The following GRIN2B variants were observed in gnomAD, a reference collection of about 807,000 sequenced individuals.
GRIN2B encodes the protein glutamate receptor ionotropic, NMDA 2B.
In GRIN2B, 5 loss-of-function variants were observed where a neutral mutation model predicts 114.5. The ratio of observed to expected loss-of-function variants is 0.04; its 90% CI spans 0.02 to 0.09. The LOEUF (loss-of-function observed/expected upper bound fraction) is 0.09, where lower values mean the gene tolerates loss of function less well. Ranked by LOEUF, GRIN2B falls within the 10% of genes least tolerant of loss-of-function variation. The pLI is 1.00. For synonymous variants in GRIN2B, 787 were observed against 745.1 expected (o/e 1.06, Z -0.92); for missense variants, 1,108 against 1,943.5 (o/e 0.57, Z 8.08).
At chr12:13,583,160 A>T (rs986424093) in intron 10 of GRIN2B, among the ~76,000 whole-genome samples, 72 of 152,322 alleles carry the variant, frequency 4.7e-4, no homozygotes, top group African/African-American at 1.7e-3. Flanking sequence ...AAAGGGCATA[A>T]ACCACATATA....
chr12:13,574,933 A>G (rs1269756954), intron 10 of GRIN2B, among the ~76,000 whole-genome samples: 2 of 152,234 alleles, frequency 1.3e-5, no homozygotes, highest in African/African-American at 4.8e-5. Flanking sequence ...CCCCACATAT[A>G]TGGTGCAAGG....
chr12:13,972,582 G>A (rs969291323), intron 2 of GRIN2B, among the ~76,000 whole-genome samples: 3 of 152,144 alleles, frequency 2.0e-5, no homozygotes, highest in Admixed American at 6.5e-5. Flanking sequence ...GCTGATTTAG[G>A]GCCATGCATT....
chr12:13,637,509 C>G (rs892459158), intron 5 of GRIN2B, among the ~76,000 whole-genome samples: 3 of 152,082 alleles, frequency 2.0e-5, no homozygotes, highest in African/African-American at 7.2e-5. Flanking sequence ...TATTCCATCA[C>G]CAGTAAAGGT....
At chr12:13,816,156 T>C (rs1591748222) in intron 3 of GRIN2B, among the ~76,000 whole-genome samples, 1 of 152,294 alleles carries the variant, frequency 6.6e-6, no homozygotes, top group East Asian at 1.9e-4. Context: ...GAGACCACCC[T>C]ACGTGGCTAG....
intron 4 of GRIN2B, among the ~76,000 whole-genome samples, chr12:13,737,123 G>A (rs769290606): frequency 3.8e-4 from 57 of 151,812 alleles, no homozygotes; most frequent in Non-Finnish European, 6.2e-4. Flanking sequence ...GCATTATGTG[G>A]CAATTAATAA....
intron 3 of GRIN2B, among the ~76,000 whole-genome samples, chr12:13,795,464 G>A (rs1039931272): frequency 3.9e-5 from 6 of 152,006 alleles, no homozygotes; most frequent in Admixed American, 3.3e-4. Context: ...CTGAACTTCC[G>A]TTTTCTCACC....
intron 4 of GRIN2B, among the ~76,000 whole-genome samples, chr12:13,742,762 T>C (rs1299723156): frequency 6.6e-6 from 1 of 152,232 alleles, no homozygotes; most frequent in Non-Finnish European, 1.5e-5. Context: ...GGCACATTAC[T>C]GCCCAGGTTA....
At chr12:13,709,814 A>G (rs1950397453) in intron 4 of GRIN2B, among the ~76,000 whole-genome samples, 1 of 152,030 alleles carries the variant, frequency 6.6e-6, no homozygotes, top group Non-Finnish European at 1.5e-5. Context: ...AAACATTCAT[A>G]TATTTCTGGT....
chr12:13,738,468 C>G (rs1863222575), intron 4 of GRIN2B, among the ~76,000 whole-genome samples: 1 of 152,154 alleles, frequency 6.6e-6, no homozygotes, highest in Non-Finnish European at 1.5e-5. Context: ...GAAAACTCAT[C>G]CCTCTGCATA....
At chr12:13,911,722 A>T (rs1429876969) in intron 2 of GRIN2B, among the ~76,000 whole-genome samples, 1 of 152,154 alleles carries the variant, frequency 6.6e-6, no homozygotes, top group African/African-American at 2.4e-5. Flanking sequence ...GAAAGATTCC[A>T]CAGGGGTGCT....
At chr12:13,801,028 T>C (rs1367914324) in intron 3 of GRIN2B, among the ~76,000 whole-genome samples, 2 of 152,192 alleles carry the variant, frequency 1.3e-5, no homozygotes, top group Non-Finnish European at 2.9e-5. Flanking sequence ...TTCTTTTGTT[T>C]CTGGTTGAAT....
At chr12:13,773,170 C>T (rs1460177527) in intron 3 of GRIN2B, among the ~76,000 whole-genome samples, 1 of 152,146 alleles carries the variant, frequency 6.6e-6, no homozygotes, top group Non-Finnish European at 1.5e-5. Context: ...CCTACCCATC[C>T]AGCAATAAAG....
At chr12:13,739,807 C>T (rs909080107) in intron 4 of GRIN2B, among the ~76,000 whole-genome samples, 1 of 152,100 alleles carries the variant, frequency 6.6e-6, no homozygotes, top group Non-Finnish European at 1.5e-5. Flanking sequence ...CCGCTCTGAG[C>T]CAGATTCTCA....
intron 3 of GRIN2B, among the ~76,000 whole-genome samples, chr12:13,844,377 TGCACTGTTAACATACCCATA>T (rs1298526481): frequency 6.6e-6 from 1 of 152,206 alleles, no homozygotes; most frequent in African/African-American, 2.4e-5. Context: ...CCCTTAAGCA[TGCACTGTTAACATACCCATA>T]GCTTCTTTTT....
At chr12:13,698,348 G>A (rs764211472) in intron 4 of GRIN2B, among the ~76,000 whole-genome samples, 9 of 152,176 alleles carry the variant, frequency 5.9e-5, no homozygotes, top group Non-Finnish European at 1.3e-4. Flanking sequence ...AAGACAGTAG[G>A]GAATTTCTCA....
At position 13,573,159 on chromosome 12, in the gene GRIN2B, A is replaced by G. The variant is rs1948727736; in HGVS notation, c.2011-1195T>C. Among the ~76,000 whole-genome samples, 6 of 149,480 alleles carry G rather than the reference A, an allele frequency of 4.0e-5. 2 individuals are homozygous for G. The highest frequency in any genetic ancestry group is 2.6e-4 in the Admixed American group (4 of 15,138). ...AGGATTAACTAATATAATGCATAAGAAGTGCTTGGCGGTCGGGCACGGTGG... is the reference window on the plus strand; with the variant it reads ...AGGATTAACTAATATAATGCATAAGGAGTGCTTGGCGGTCGGGCACGGTGG... On this transcript the variant is annotated intron_variant, in intron 10 of 13. Coordinates refer to ENST00000609686, the MANE Select transcript of GRIN2B (RefSeq NM_000834.5).
chr12:13,881,914 T>C (rs931694717), intron 2 of GRIN2B, among the ~76,000 whole-genome samples: 1 of 152,192 alleles, frequency 6.6e-6, no homozygotes, highest in Non-Finnish European at 1.5e-5. Context: ...TGATTCAGTC[T>C]GAGCTCTGCA....
In GRIN2B at chr12:13,552,784, A is replaced by C. The variant is rs1258973510; in HGVS notation, c.*9999T>G. 6.6e-6 allele frequency: 1 copy of C among 152,120 alleles called. No individual in the cohort carries two copies. Among genetic ancestry groups the C allele is most frequent in the Non-Finnish European group, 1.5e-5 (1 of 68,018 alleles). 9.4% of individuals were successfully genotyped at this position (152,120 alleles called of 1,614,324 possible). On this transcript the variant is annotated 3_prime_UTR_variant, in exon 14 of 14. Transcript: ENST00000609686. ...TTGAAAAGCAAAATTATCTCTCTAG[A>C]CTTATATTTTAATTTTCACTAGGTA...
chr12:13,698,980 G>T (rs569439333), intron 4 of GRIN2B, among the ~76,000 whole-genome samples: 1 of 152,280 alleles, frequency 6.6e-6, no homozygotes, highest in Admixed American at 6.5e-5. Flanking sequence ...ACCGCACCCG[G>T]CCAAATCAAA....
Sources: gnomAD v4.1 joint callset for allele counts (sites outside exome capture counted in the v4.1 genomes callset) on GRCh38, gnomAD v4.1.1 for gene constraint, MANE v1.5 for transcripts, NCBI Gene and HGNC (gene_info 2026-07-23, HGNC 2026-07-21) for gene names.